GAK: variants seen among roughly 807,000 people sequenced by gnomAD.
The protein encoded by GAK is cyclin G associated kinase.
Under a neutral mutation model 143.9 loss-of-function variants are expected in GAK, and 79 were observed. That is an observed-to-expected ratio of 0.55 (90% confidence interval 0.46 to 0.66). The LOEUF (loss-of-function observed/expected upper bound fraction) is 0.66, where lower values mean the gene tolerates loss of function less well. Ranked by LOEUF, GAK falls within the 30% of genes least tolerant of loss-of-function variation. The pLI, the probability that GAK is intolerant of heterozygous loss-of-function variation, is 0.00. For synonymous variants in GAK, 881 were observed against 765.5 expected (o/e 1.15, Z -2.49); for missense variants, 1,693 against 1,779.7 (o/e 0.95, Z 0.88).
intron 5 of GAK, among the ~76,000 whole-genome samples, chr4:899,297 A>T (rs1719402062): frequency 6.6e-6 from 1 of 152,242 alleles, no homozygotes; most frequent in Admixed American, 6.5e-5. Context: ...GACAGCACAG[A>T]CGTGGCAGGA....
At chr4:864,359 T>C (rs562999509) in intron 23 of GAK, among the ~76,000 whole-genome samples, 1 of 152,102 alleles carries the variant, frequency 6.6e-6, no homozygotes, top group Admixed American at 6.5e-5. Context: ...AGACCCTGTC[T>C]CAAAAACAAA....
intron 24 of GAK, among the ~76,000 whole-genome samples, chr4:856,258 GCTGCTCACAA>G (rs1378112967): frequency 3.7e-4 from 48 of 129,898 alleles, no homozygotes; most frequent in Admixed American, 2.4e-3. Context: ...GCTCACCACA[GCTGCTCACAA>G]CTGCTCACAC....
intron 5 of GAK, among the ~76,000 whole-genome samples, chr4:903,313 G>C (rs1358375703): frequency 6.6e-6 from 1 of 152,234 alleles, no homozygotes; most frequent in Admixed American, 6.5e-5. Context: ...GGTGACAGGA[G>C]AGATGGGCAG....
intron 11 of GAK, chr4:885,761 CCTT>C (rs935727550): frequency 5.5e-5 from 7 of 127,250 alleles, no homozygotes; most frequent in African/African-American, 1.6e-4. Flanking sequence ...AATTCACTGT[CCTT>C]TTTTTTTTTT....
intron 15 of GAK, among the ~76,000 whole-genome samples, chr4:879,883 C>T (rs1046985026): frequency 6.6e-6 from 1 of 152,248 alleles, no homozygotes; most frequent in African/African-American, 2.4e-5. Context: ...ATCTCTCGAC[C>T]TGGCTCCAAA....
intron 11 of GAK, 66 bp downstream of exon 11, chr4:888,781 A>G (rs777237467): frequency 1.2e-5 from 19 of 1,540,106 alleles, no homozygotes; most frequent in Non-Finnish European, 1.7e-5. Flanking sequence ...GCCAGGAAGC[A>G]AGGGCCGGGG....
Position 913,636 on chromosome 4 carries a change from C to T in GAK, c.178G>A (p.Val60Met). ...AATGCATACTCTCTGCCACTCCCCA[C>T]ATCTTGAGCTTCATACACAAATGCA... ...GFAFVYEAQD[V>M]GSGREYALKR... is the part of the protein sequence containing the mutation. Residue 60 changes from valine (V) to methionine (M), a missense_variant, in exon 2 of 28, where the codon GTG becomes ATG. Physicochemically the swap from Val to Met is conservative, Grantham distance 21. This residue lies in a region of GAK where 871 missense variants were observed against 991.0 expected (regional missense o/e 0.88). Transcript: ENST00000314167. The T allele has an allele frequency of 6.2e-7, 1 of 1,613,808 alleles. No homozygotes were observed. The highest frequency in any genetic ancestry group is 8.5e-7 in the Non-Finnish European group (1 of 1,179,722).
chr4:886,044 G>C (rs192336977), intron 11 of GAK: 37 of 152,330 alleles, frequency 2.4e-4, no homozygotes, highest in African/African-American at 8.7e-4. Context: ...GGGATTACAC[G>C]AGCCACCGTG....
intron 23 of GAK, among the ~76,000 whole-genome samples, chr4:863,919 A>G (rs570150656): frequency 6.6e-6 from 1 of 152,320 alleles, no homozygotes; most frequent in East Asian, 1.9e-4. Flanking sequence ...GCTACTCAGG[A>G]GGCTGAGGCA....
At position 849,663 on chromosome 4, in the gene GAK, C is replaced by G. The variant is rs756518414; in HGVS notation, c.*10G>C. ...GTGGAGCTGTGTGCGCAGCCACCAC[C>G]ACTGCGGCCTCAGAAGAGGGGCCGG... On this transcript the variant is annotated 3_prime_UTR_variant, in exon 28 of 28. Coordinates refer to ENST00000314167, the MANE Select transcript of GAK (RefSeq NM_005255.4). 6.2e-6 allele frequency: 10 copies of G among 1,603,478 alleles called. No individual in the cohort carries two copies. Among genetic ancestry groups the G allele is most frequent in the Non-Finnish European group, 8.5e-6 (10 of 1,172,476 alleles).
rs1387849363 is a variant in GAK at position 888,778 on chromosome 4, A to C, written c.1205+69T>G. ...ACCAGCTGTTCCACCGCAGCCAGGA[A>C]GCAAGGGCCGGGGCTGCAGCCTGGA... On this transcript the variant is annotated intron_variant, in intron 11 of 27. Transcript: ENST00000314167. The C allele has an allele frequency of 1.3e-5, 20 of 1,535,092 alleles. No homozygotes were observed. In the Admixed American group the frequency reaches 4.1e-4, roughly 32 times the overall value.
chr4:913,569 C>G (rs190451415), intron 2 of GAK, 38 bp downstream of exon 2: 9 of 1,509,330 alleles, frequency 6.0e-6, no homozygotes, highest in Non-Finnish European at 8.3e-6. Flanking sequence ...CCTTTACATA[C>G]GTCAGAAATC....
chr4:877,718 C>T lies in GAK; in HGVS notation c.1753G>A (p.Val585Met), dbSNP rs375729595. ...CTCCTCTGCTTGCTGAACAGCGGCA[C>T]GGGTGTCATGACCACGGCCCTCACC... ...ILVRAVVMTPVPLFSKQRSGC... is the reference protein window; with the variant it reads ...ILVRAVVMTPMPLFSKQRSGC... Residue 585 changes from valine (V) to methionine (M), a missense_variant, in exon 16 of 28, where the codon GTG becomes ATG. Transcript: ENST00000314167. The T allele has an allele frequency of 1.5e-5, 25 of 1,613,476 alleles. No individual in the cohort carries two copies. Among genetic ancestry groups the T allele is most frequent in the African/African-American group, 2.7e-5 (2 of 75,018 alleles).
Position 881,980 on chromosome 4 carries a change from T to C in GAK, c.1588A>G (p.Ser530Gly). Residue 530 changes from serine to glycine, a missense_variant, in exon 15 of 28, where the codon AGC becomes GGC. Physicochemically the swap from Ser to Gly is moderately conservative, Grantham distance 56. Coordinates refer to ENST00000314167, the MANE Select transcript of GAK (RefSeq NM_005255.4). ...ATGTACACGGCGGCCTCCGCGGTGCTGAAGAGACGGCAGAAGCACAGGAAG... is the reference window on the plus strand; with the variant it reads ...ATGTACACGGCGGCCTCCGCGGTGCCGAAGAGACGGCAGAAGCACAGGAAG... ...CSFLCFCRLF[S>G]TAEAAVYMFS... The C allele has an allele frequency of 1.2e-6, 2 of 1,604,682 alleles. No homozygotes were observed. Among genetic ancestry groups the C allele is most frequent in the Non-Finnish European group, 1.7e-6 (2 of 1,175,960 alleles).
chr4:901,362 C>A (rs961176790), intron 5 of GAK, among the ~76,000 whole-genome samples: 3 of 150,778 alleles, frequency 2.0e-5, no homozygotes, highest in Admixed American at 1.3e-4. Context: ...TGGAGAGCCA[C>A]GGCCTTGGGC....
intron 23 of GAK, among the ~76,000 whole-genome samples, chr4:863,166 GA>G (rs1292450934): frequency 6.6e-6 from 1 of 152,254 alleles, no homozygotes; most frequent in African/African-American, 2.4e-5. Context: ...GGATGACTTT[GA>G]GGAGTTGAAG....
chr4:888,751 T>A (rs769345524), intron 11 of GAK, 96 bp downstream of exon 11: 16 of 1,468,444 alleles, frequency 1.1e-5, no homozygotes, highest in Non-Finnish European at 1.5e-5. Flanking sequence ...TGGGGCCTGA[T>A]GACCAGCTGT....
Position 882,147 on chromosome 4 carries a change from T to C in GAK, c.1528-107A>G, listed in dbSNP as rs1039581237. The C allele has an allele frequency of 2.5e-6, 3 of 1,204,000 alleles. No homozygotes were observed. The African/African-American group carries it at 4.5e-5, about 18-fold the overall frequency. 74.6% of individuals were successfully genotyped at this position (1,204,000 alleles called of 1,614,324 possible). On this transcript the variant is annotated intron_variant, in intron 14 of 27. Coordinates refer to ENST00000314167, the MANE Select transcript of GAK (RefSeq NM_005255.4). Reference sequence around the variant, plus strand: ...CCCTGTGGCTGCAGGGACGCAGGGCTGTTCCTCTCTGAAGCTGGGATATGT... The same window carrying C: ...CCCTGTGGCTGCAGGGACGCAGGGCCGTTCCTCTCTGAAGCTGGGATATGT...
At chr4:925,924 A>G (rs1724645438) in intron 1 of GAK, among the ~76,000 whole-genome samples, 1 of 152,204 alleles carries the variant, frequency 6.6e-6, no homozygotes, top group African/African-American at 2.4e-5. Context: ...ACCATGAGCA[A>G]TTCACCAGGA....
Sources: gnomAD v4.1 joint callset for allele counts (sites outside exome capture counted in the v4.1 genomes callset) on GRCh38, gnomAD v4.1.1 for gene constraint, gnomAD v4.1.1 regional missense constraint, MANE v1.5 for transcripts, NCBI Gene and HGNC (gene_info 2026-07-23, HGNC 2026-07-21) for gene names.